Variants in ATP2B1 observed in about 807,000 individuals in gnomAD.
ATP2B1 encodes the protein ATPase plasma membrane Ca2+ transporting 1.
ATP2B1 carries 14 observed loss-of-function variants against 124.2 expected under a neutral mutation model. That is an observed-to-expected ratio of 0.11 (90% CI 0.07 to 0.18). ATP2B1 has a LOEUF of 0.18. ATP2B1 is among the 10% of genes least tolerant of loss of function. The probability of loss-of-function intolerance (pLI) is 1.00; values close to 1 mark genes in which losing one functional copy is unlikely to be tolerated. For missense variants in ATP2B1, 763 were observed against 1,466.1 expected (o/e 0.52, Z 7.83); for synonymous variants, 449 against 492.4 (o/e 0.91, Z 1.17).
chr12:89,619,848 A>G (rs766204399), intron 11 of ATP2B1, 151 bp downstream of exon 11: 19 of 972,000 alleles, frequency 2.0e-5, no homozygotes, highest in Non-Finnish European at 2.5e-5. Flanking sequence ...AGCAGGGGCA[A>G]ATATCTGGAT....
rs192238433 is a variant in ATP2B1, at chr12:89,621,802, C to A, written c.1345-11G>T. 502 of 1,194,576 alleles carry A rather than the reference C, an allele frequency of 4.2e-4. No individual in the cohort carries two copies. The highest frequency in any genetic ancestry group is 2.3e-3 in the South Asian group (122 of 52,492). 74.0% of individuals were successfully genotyped at this position (1,194,576 alleles called of 1,614,324 possible). A position where few individuals can be genotyped will look rare whatever the true frequency, so the allele number is the denominator to read the frequency against. ...ATCTTTCATCATTTTCTACAGTGAC[C>A]AAAAAAAAAAAACTAGTTAAGCTGC... On this transcript the variant is annotated splice_polypyrimidine_tract_variant and intron_variant, in intron 9 of 20. Transcript: ENST00000428670.
At chr12:89,684,320 C>G (rs1889714917) in intron 1 of ATP2B1, among the ~76,000 whole-genome samples, 1 of 152,080 alleles carries the variant, frequency 6.6e-6, no homozygotes, top group South Asian at 2.1e-4. Context: ...TTGAAACAAA[C>G]TGGGTTGGGG....
intron 1 of ATP2B1, among the ~76,000 whole-genome samples, chr12:89,675,230 CA>C (rs1888463071): frequency 6.6e-6 from 1 of 152,146 alleles, no homozygotes; most frequent in Non-Finnish European, 1.5e-5. Context: ...GTCTAGCTTA[CA>C]ATCCAAGAAT....
chr12:89,679,685 G>A (rs887031657), intron 1 of ATP2B1, among the ~76,000 whole-genome samples: 12 of 152,238 alleles, frequency 7.9e-5, no homozygotes, highest in East Asian at 1.9e-4. Flanking sequence ...AGGGTACATC[G>A]TAGGAGAGGG....
At chr12:89,662,665 T>C (rs548851348) in intron 1 of ATP2B1, among the ~76,000 whole-genome samples, 1 of 152,302 alleles carries the variant, frequency 6.6e-6, no homozygotes, top group African/African-American at 2.4e-5. Context: ...TTTAGTTTTA[T>C]AGAGCTGATA....
chr12:89,660,807 C>T (rs975970211), intron 1 of ATP2B1, among the ~76,000 whole-genome samples: 2 of 152,084 alleles, frequency 1.3e-5, no homozygotes, highest in South Asian at 4.1e-4. Context: ...CCTTCTCCCA[C>T]CCCAGATGAG....
intron 20 of ATP2B1, among the ~76,000 whole-genome samples, chr12:89,592,531 C>T (rs1350511275): frequency 1.3e-5 from 2 of 151,994 alleles, no homozygotes; most frequent in African/African-American, 4.8e-5. Flanking sequence ...CCTTATTTGC[C>T]AAGCCCTATT....
chr12:89,633,145 G>A (rs1017339461), intron 5 of ATP2B1, among the ~76,000 whole-genome samples: 3 of 152,082 alleles, frequency 2.0e-5, no homozygotes, highest in African/African-American at 7.2e-5. Context: ...CAGTTCCTTA[G>A]AAGCATGGCA....
At chr12:89,619,054 CAA>C (rs1446873029) in intron 11 of ATP2B1, among the ~76,000 whole-genome samples, 1 of 151,468 alleles carries the variant, frequency 6.6e-6, no homozygotes, top group East Asian at 1.9e-4. Flanking sequence ...CCTTTAATAA[CAA>C]ATAAACATCA....
At chr12:89,662,893 T>C (rs1306414836) in intron 1 of ATP2B1, among the ~76,000 whole-genome samples, 4 of 152,074 alleles carry the variant, frequency 2.6e-5, no homozygotes, top group Admixed American at 2.0e-4. Context: ...CTTTAGCAAA[T>C]CTCTCAGGGT....
At chr12:89,591,764 A>G (rs531551243) in intron 20 of ATP2B1, among the ~76,000 whole-genome samples, 47 of 152,120 alleles carry the variant, frequency 3.1e-4, no homozygotes, top group African/African-American at 1.1e-3. Context: ...TGAAAAAGCC[A>G]AGCAAATATA....
chr12:89,653,217 G>A (rs7975689), intron 2 of ATP2B1, among the ~76,000 whole-genome samples: 144,971 of 151,558 alleles, frequency 0.96, 69,380 homozygotes, highest in East Asian at 0.99. Context: ...CTACGAATTA[G>A]AGAGGGGATA....
intron 1 of ATP2B1, among the ~76,000 whole-genome samples, chr12:89,701,356 A>T (rs1277612534): frequency 6.6e-6 from 1 of 152,144 alleles, no homozygotes; most frequent in Non-Finnish European, 1.5e-5. Context: ...TTGTCTTAGT[A>T]ATTCATTTGG....
At chr12:89,695,420 A>T (rs1891028219) in intron 1 of ATP2B1, among the ~76,000 whole-genome samples, 2 of 152,184 alleles carry the variant, frequency 1.3e-5, no homozygotes, top group African/African-American at 4.8e-5. Flanking sequence ...ATATTTTTTA[A>T]AAGAAAATAT....
chr12:89,607,974 G>T (rs1001931629), intron 15 of ATP2B1, among the ~76,000 whole-genome samples: 1 of 151,966 alleles, frequency 6.6e-6, no homozygotes, highest in African/African-American at 2.4e-5. Context: ...TGCTATATCT[G>T]CCTGAAAATA....
intron 3 of ATP2B1, among the ~76,000 whole-genome samples, chr12:89,637,134 A>C (rs576463687): frequency 3.3e-5 from 5 of 152,212 alleles, no homozygotes; most frequent in African/African-American, 7.2e-5. Flanking sequence ...TTATTACACA[A>C]AAAATGCAAT....
chr12:89,650,091 A>C (rs1329729802), intron 2 of ATP2B1, among the ~76,000 whole-genome samples: 1 of 152,130 alleles, frequency 6.6e-6, no homozygotes, highest in Non-Finnish European at 1.5e-5. Context: ...TTTCTTTATA[A>C]ATTACCCTGC....
chr12:89,643,229 CG>C, intron 2 of ATP2B1, among the ~76,000 whole-genome samples: 1 of 148,962 alleles, frequency 6.7e-6, no homozygotes, highest in South Asian at 2.1e-4. Context: ...TATGTATATA[CG>C]TATATATATG....
Position 89,658,598 on chromosome 12 carries a change from GGAGAGAGAGAGAGAGA to G in ATP2B1, c.-221-2507_-221-2492del, listed in dbSNP as rs67298800. ...AGAATTCAAACAGAGAATTCAAACA[GGAGAGAGAGAGAGAGA>G]GAGAGAGAGAGAGAGAGAGAGAGAG... On this transcript the variant is annotated intron_variant, in intron 1 of 20. Transcript: ENST00000428670. 3.6e-3 allele frequency among the ~76,000 whole-genome samples: 251 copies of G among 69,592 alleles called. 1 individual carries two copies. Among genetic ancestry groups the G allele is most frequent in the Admixed American group, 0.014 (71 of 5,188 alleles). The allele number at this position is 69,592 out of a possible 152,430, so 45.7% of individuals were successfully genotyped here.
Sources: allele counts gnomAD v4.1 joint callset (sites outside exome capture counted in the v4.1 genomes callset), GRCh38; gene constraint gnomAD v4.1.1; transcripts MANE v1.5; gene names NCBI Gene and HGNC (gene_info 2026-07-23, HGNC 2026-07-21).